APBA1: variants seen among roughly 807,000 people sequenced by gnomAD.
APBA1 encodes the protein amyloid-beta A4 precursor protein-binding family A member 1.
A neutral mutation model predicts 86.6 loss-of-function variants in APBA1; 55 were observed. The observed-to-expected ratio is 0.64, with a 90% CI of 0.51 to 0.80. The LOEUF (loss-of-function observed/expected upper bound fraction) is 0.80, where lower values mean the gene tolerates loss of function less well. Among genes scored for constraint, APBA1 ranks in the 30% least tolerant of loss-of-function variants. The pLI is 0.00. For synonymous variants in APBA1, 511 were observed against 493.9 expected (o/e 1.03, Z -0.46); for missense variants, 1,090 against 1,183.0 (o/e 0.92, Z 1.15).
chr9:69,515,471 T>C (rs1198711862), intron 2 of APBA1, among the ~76,000 whole-genome samples: 1 of 152,012 alleles, frequency 6.6e-6, no homozygotes, highest in Non-Finnish European at 1.5e-5. Context: ...ATAAAACAAC[T>C]TCCCCCTTGT....
intron 1 of APBA1, among the ~76,000 whole-genome samples, chr9:69,658,979 C>A (rs991579291): frequency 5.3e-5 from 8 of 152,140 alleles, no homozygotes; most frequent in African/African-American, 1.7e-4. Context: ...CCCCTCTTTG[C>A]AGTATTTTGT....
intron 8 of APBA1, among the ~76,000 whole-genome samples, chr9:69,455,289 G>A (rs925289799): frequency 6.6e-6 from 1 of 152,096 alleles, no homozygotes; most frequent in African/African-American, 2.4e-5. Flanking sequence ...CAAAAGCAAT[G>A]GCCCTCAGGG....
intron 2 of APBA1, among the ~76,000 whole-genome samples, chr9:69,486,466 C>T (rs1392817644): frequency 6.6e-6 from 1 of 152,044 alleles, no homozygotes; most frequent in Admixed American, 6.5e-5. Flanking sequence ...AGGAAGGAGA[C>T]CTGTTTTCAG....
intron 2 of APBA1, among the ~76,000 whole-genome samples, chr9:69,487,186 G>A (rs866737195): frequency 6.6e-5 from 10 of 152,164 alleles, no homozygotes; most frequent in Middle Eastern, 3.4e-3. Flanking sequence ...ATGATGTGGA[G>A]AGGAATTCAA....
chr9:69,433,285 C>T (rs547004225), intron 11 of APBA1, among the ~76,000 whole-genome samples: 36 of 152,344 alleles, frequency 2.4e-4, no homozygotes, highest in African/African-American at 8.7e-4. Context: ...CCCGAGGTTG[C>T]AGGCGGGGCT....
At chr9:69,590,379 C>T (rs1822107116) in intron 1 of APBA1, among the ~76,000 whole-genome samples, 1 of 152,134 alleles carries the variant, frequency 6.6e-6, no homozygotes, top group Admixed American at 6.5e-5. Context: ...TGGTTCTAGT[C>T]CTGGCTTTGG....
At chr9:69,457,460 C>A (rs562772928) in intron 6 of APBA1, among the ~76,000 whole-genome samples, 4 of 152,288 alleles carry the variant, frequency 2.6e-5, no homozygotes, top group Admixed American at 1.3e-4. Flanking sequence ...TGGAGCCCAA[C>A]AGATTGAAGA....
intron 1 of APBA1, among the ~76,000 whole-genome samples, chr9:69,518,485 A>T (rs1209754169): frequency 2.0e-5 from 3 of 152,118 alleles, no homozygotes; most frequent in African/African-American, 7.2e-5. Flanking sequence ...TTTCAGAGAA[A>T]CTTGTAGCTC....
At chr9:69,493,971 T>C (rs571385859) in intron 2 of APBA1, among the ~76,000 whole-genome samples, 58 of 152,230 alleles carry the variant, frequency 3.8e-4, no homozygotes, top group South Asian at 6.2e-4. Flanking sequence ...ACCCCAAATA[T>C]ATGATAAGTT....
At chr9:69,547,515 G>A (rs930673793) in intron 1 of APBA1, among the ~76,000 whole-genome samples, 1 of 152,106 alleles carries the variant, frequency 6.6e-6, no homozygotes, top group Non-Finnish European at 1.5e-5. Context: ...TTAGAACCAG[G>A]GTTGTTGTTT....
chr9:69,506,361 GGCTTAAAAAA>G (rs1298188655), intron 2 of APBA1, among the ~76,000 whole-genome samples: 4 of 137,200 alleles, frequency 2.9e-5, no homozygotes, highest in Non-Finnish European at 6.3e-5. Context: ...TTTTCGGACC[GGCTTAAAAAA>G]CCGCGCACCA....
At chr9:69,456,952 A>G in intron 7 of APBA1, 101 bp downstream of exon 7, 1 of 978,978 alleles carries the variant, frequency 1.0e-6, no homozygotes, top group Non-Finnish European at 1.6e-6. Flanking sequence ...GAATCTAGGG[A>G]CAGCTGCTCT....
chr9:69,581,877 G>A (rs747776426), intron 1 of APBA1, among the ~76,000 whole-genome samples: 1 of 152,086 alleles, frequency 6.6e-6, no homozygotes, highest in Non-Finnish European at 1.5e-5. Context: ...ATTTTGTGAG[G>A]GCACACTGTG....
At chr9:69,457,354 A>T (rs1009991104) in intron 6 of APBA1, among the ~76,000 whole-genome samples, 3 of 152,198 alleles carry the variant, frequency 2.0e-5, no homozygotes, top group African/African-American at 7.2e-5. Context: ...AAAATGCGGA[A>T]TCCCCTTTTC....
chr9:69,553,896 T>C (rs1044407396), intron 1 of APBA1, among the ~76,000 whole-genome samples: 2 of 152,196 alleles, frequency 1.3e-5, no homozygotes, highest in Admixed American at 1.3e-4. Context: ...CACACAAGTG[T>C]GGACTGAATC....
intron 1 of APBA1, among the ~76,000 whole-genome samples, chr9:69,557,969 C>T (rs1267807890): frequency 2.0e-5 from 3 of 152,070 alleles, no homozygotes; most frequent in African/African-American, 7.2e-5. Flanking sequence ...TCAAATCTTC[C>T]ACAACTTTGA....
intron 10 of APBA1, among the ~76,000 whole-genome samples, chr9:69,448,967 G>A (rs1834956929): frequency 6.6e-6 from 1 of 152,158 alleles, no homozygotes; most frequent in South Asian, 2.1e-4. Flanking sequence ...CCTTTAAGTA[G>A]CTCTTCTTAG....
chr9:69,585,456 C>A (rs767631916), intron 1 of APBA1, among the ~76,000 whole-genome samples: 2 of 152,188 alleles, frequency 1.3e-5, no homozygotes, highest in Non-Finnish European at 2.9e-5. Context: ...GCTGGCCTAG[C>A]CCAATGTGCC....
chr9:69,443,588 C>T (rs112061078), intron 10 of APBA1, among the ~76,000 whole-genome samples: 1 of 152,186 alleles, frequency 6.6e-6, no homozygotes, highest in South Asian at 2.1e-4. Context: ...CTAATTGAAC[C>T]AAAATGACTG....
Sources: gnomAD v4.1 joint callset for allele counts (sites outside exome capture counted in the v4.1 genomes callset) on GRCh38, gnomAD v4.1.1 for gene constraint, MANE v1.5 for transcripts, NCBI Gene and HGNC (gene_info 2026-07-23, HGNC 2026-07-21) for gene names.